Variants in CDH11 observed in about 807,000 individuals in gnomAD.
The protein encoded by CDH11 is cadherin-11.
Under a neutral mutation model 67.8 loss-of-function variants are expected in CDH11, and 11 were observed. The observed-to-expected ratio is 0.16, with a 90% CI of 0.10 to 0.27. The LOEUF is 0.27. CDH11 is among the 10% of genes least tolerant of loss of function. The probability of loss-of-function intolerance (pLI) is 1.00; values close to 1 mark genes in which losing one functional copy is unlikely to be tolerated. For synonymous variants in CDH11, 419 were observed against 400.0 expected (o/e 1.05, Z -0.57); for missense variants, 847 against 1,031.2 (o/e 0.82, Z 2.45).
At chr16:64,968,456 C>A (rs1267735375) in intron 11 of CDH11, 2 of 983,822 alleles carry the variant, frequency 2.0e-6, no homozygotes, top group African/African-American at 3.5e-5. Flanking sequence ...ACATGCTCTT[C>A]ATCTGCCCAA....
chr16:65,003,660 G>T (rs531052553), intron 3 of CDH11, among the ~76,000 whole-genome samples: 20 of 152,244 alleles, frequency 1.3e-4, no homozygotes, highest in Non-Finnish European at 2.8e-4. Flanking sequence ...TCTTGAATTT[G>T]TATTTTGGAC....
chr16:64,974,583 T>G (rs1597037922), intron 8 of CDH11, among the ~76,000 whole-genome samples: 7 of 152,242 alleles, frequency 4.6e-5, no homozygotes, highest in Admixed American at 4.6e-4. Context: ...ATGAGCTCAT[T>G]CATGATGTCA....
intron 11 of CDH11, among the ~76,000 whole-genome samples, chr16:64,955,302 T>TGGG (rs1389298125): frequency 6.6e-6 from 1 of 151,624 alleles, no homozygotes; most frequent in African/African-American, 2.4e-5. Context: ...ATTAGCTGGG[T>TGGG]GTGGTGGCGC....
At chr16:64,951,065 G>C in intron 11 of CDH11, 47 bp from the exon 12 acceptor site, 1 of 1,581,036 alleles carries the variant, frequency 6.3e-7, no homozygotes, top group South Asian at 1.1e-5. Flanking sequence ...AAGACCATTG[G>C]AATCACAGCG....
chr16:65,084,200 G>C (rs376698093), intron 1 of CDH11, among the ~76,000 whole-genome samples: 49 of 152,276 alleles, frequency 3.2e-4, no homozygotes, highest in African/African-American at 1.0e-3. Flanking sequence ...AAACGTAAAA[G>C]GTCTAAGGCC....
intron 8 of CDH11, among the ~76,000 whole-genome samples, chr16:64,977,651 T>C (rs577760845): frequency 3.9e-5 from 6 of 152,334 alleles, no homozygotes; most frequent in African/African-American, 1.4e-4. Flanking sequence ...CATTAGTGGC[T>C]GCTGGGTTAA....
chr16:64,987,493 T>G (rs1454421474), intron 7 of CDH11: 2 of 152,146 alleles, frequency 1.3e-5, no homozygotes, highest in African/African-American at 2.4e-5. Context: ...GTAAATGAAA[T>G]GATGTTTGTA....
At chr16:64,994,288 T>C (rs539032744) in intron 4 of CDH11, among the ~76,000 whole-genome samples, 1 of 152,346 alleles carries the variant, frequency 6.6e-6, no homozygotes. Flanking sequence ...ACCATCATGG[T>C]GTGGCTAGGG....
chr16:65,065,227 C>G (rs2074294203), intron 1 of CDH11, among the ~76,000 whole-genome samples: 1 of 152,072 alleles, frequency 6.6e-6, no homozygotes, highest in Non-Finnish European at 1.5e-5. Flanking sequence ...GAAGACTCAC[C>G]CGGCCCACTC....
At chr16:65,034,356 G>A (rs1286285789) in intron 2 of CDH11, among the ~76,000 whole-genome samples, 1 of 152,146 alleles carries the variant, frequency 6.6e-6, no homozygotes, top group African/African-American at 2.4e-5. Flanking sequence ...ATCAATTTGT[G>A]GAACTTTGTT....
At chr16:65,113,060 G>C (rs2075186698) in intron 1 of CDH11, among the ~76,000 whole-genome samples, 1 of 152,162 alleles carries the variant, frequency 6.6e-6, no homozygotes, top group South Asian at 2.1e-4. Flanking sequence ...AGCTGAGGCG[G>C]GCAGATCATA....
At chr16:65,069,901 T>C (rs183132343) in intron 1 of CDH11, among the ~76,000 whole-genome samples, 178 of 152,286 alleles carry the variant, frequency 1.2e-3, no homozygotes, top group Middle Eastern at 6.8e-3. Context: ...GACACGGTGA[T>C]GAACAAGATT....
At chr16:64,981,028 A>G (rs940976947) in intron 8 of CDH11, 30 of 151,510 alleles carry the variant, frequency 2.0e-4, no homozygotes, top group Non-Finnish European at 3.4e-4. Flanking sequence ...TAGCTTCATC[A>G]GTCATTAGCT....
chr16:64,982,504 C>G, intron 7 of CDH11: 1 of 565,384 alleles, frequency 1.8e-6, no homozygotes, highest in East Asian at 2.9e-5. Flanking sequence ...ATGGGTCATT[C>G]GAAGAGCACA....
intron 2 of CDH11, among the ~76,000 whole-genome samples, chr16:65,041,905 G>A (rs2073874558): frequency 6.6e-6 from 1 of 152,190 alleles, no homozygotes; most frequent in Admixed American, 6.5e-5. Flanking sequence ...AGTGCTCCAG[G>A]CAATGATGCC....
At chr16:64,993,761 T>C (rs2072692209) in intron 4 of CDH11, among the ~76,000 whole-genome samples, 1 of 152,132 alleles carries the variant, frequency 6.6e-6, no homozygotes, top group Non-Finnish European at 1.5e-5. Flanking sequence ...TGTTCCTGGC[T>C]GGTCACAAAT....
At chr16:65,103,663 T>C (rs550752354) in intron 1 of CDH11, among the ~76,000 whole-genome samples, 1 of 152,134 alleles carries the variant, frequency 6.6e-6, no homozygotes, top group South Asian at 2.1e-4. Flanking sequence ...TGTATAAATA[T>C]ATTCTTCAAA....
At position 64,952,801 on chromosome 16, in the gene CDH11, GT is replaced by G. The variant is rs1189480231; in HGVS notation, c.1643-1784del. On this transcript the variant is annotated intron_variant, in intron 11 of 12. Coordinates refer to ENST00000268603, the MANE Select transcript of CDH11 (RefSeq NM_001797.4). The stretch of plus-strand genomic sequence containing the variant: ...CCAATAGCTGGTAGGCTTTAAATAG[GT>G]TGACAGGATTTTGAATTAGCTCCTG... Among the ~76,000 whole-genome samples the G allele has an allele frequency of 5.9e-5, 9 of 152,106 alleles. No individual in the cohort carries two copies. The East Asian group carries it at 1.7e-3, about 29-fold the overall frequency.
intron 1 of CDH11, among the ~76,000 whole-genome samples, chr16:65,055,794 G>A (rs1567552116): frequency 6.6e-6 from 1 of 152,198 alleles, no homozygotes; most frequent in Non-Finnish European, 1.5e-5. Flanking sequence ...GCAGTAGAAT[G>A]TTATGGGCTG....
Sources: gnomAD v4.1 joint callset for allele counts (sites outside exome capture counted in the v4.1 genomes callset) on GRCh38, gnomAD v4.1.1 for gene constraint, MANE v1.5 for transcripts, NCBI Gene and HGNC (gene_info 2026-07-23, HGNC 2026-07-21) for gene names.